The following PUDP variants were observed in gnomAD, a reference collection of about 807,000 sequenced individuals.
PUDP encodes pseudouridine-5'-phosphatase.
PUDP carries 8 observed loss-of-function variants against 9.4 expected under a neutral mutation model. The observed-to-expected ratio is 0.85, with a 90% CI of 0.50 to 1.53. PUDP has a LOEUF of 1.53. Ranked by LOEUF, PUDP falls within the 40% of genes most tolerant of loss-of-function variation. The pLI, the probability that PUDP is intolerant of heterozygous loss-of-function variation, is 0.00. For missense variants in PUDP, 188 were observed against 189.7 expected (o/e 0.99, Z 0.05); for synonymous variants, 99 against 80.7 (o/e 1.23, Z -1.22).
At chrX:6,738,976 T>G (rs1424637198) in intron 3 of PUDP, among the ~76,000 whole-genome samples, 2 of 111,470 alleles carry the variant, frequency 1.8e-5, no homozygotes, top group Non-Finnish European at 3.8e-5. Flanking sequence ...AAGAGAGAGA[T>G]AGAGTACAAA....
At chrX:7,081,202 C>A (rs766229395) in intron 2 of PUDP, among the ~76,000 whole-genome samples, 1 of 111,563 alleles carries the variant, frequency 9.0e-6, no homozygotes, top group African/African-American at 3.2e-5. Flanking sequence ...CTCTGTGACC[C>A]AGGCTGGAGC....
At chrX:6,804,588 G>A (rs1479147343) in intron 3 of PUDP, among the ~76,000 whole-genome samples, 1 of 111,506 alleles carries the variant, frequency 9.0e-6, no homozygotes, top group East Asian at 2.8e-4. Flanking sequence ...CCGTGTAGAG[G>A]GGATTGTTTT....
At chrX:6,839,383 G>A (rs904925041) in intron 3 of PUDP, among the ~76,000 whole-genome samples, 1 of 111,107 alleles carries the variant, frequency 9.0e-6, no homozygotes, top group Non-Finnish European at 1.9e-5. Flanking sequence ...TGTAGGCACT[G>A]CCCAAAAGCT....
intron 3 of PUDP, among the ~76,000 whole-genome samples, chrX:6,753,674 A>G (rs1182452210): frequency 8.9e-6 from 1 of 111,851 alleles, no homozygotes; most frequent in Non-Finnish European, 1.9e-5. Flanking sequence ...TCCTTGCAGG[A>G]GTAAGGTGTT....
At chrX:7,021,382 G>A (rs756655957) in intron 1 of PUDP, among the ~76,000 whole-genome samples, 42 of 111,367 alleles carry the variant, frequency 3.8e-4, no homozygotes, top group African/African-American at 1.3e-3. Flanking sequence ...GACCCTCAGA[G>A]ACCAAAATGC....
At chrX:6,938,674 A>T (rs961515371) in intron 3 of PUDP, among the ~76,000 whole-genome samples, 10 of 109,682 alleles carry the variant, frequency 9.1e-5, no homozygotes, top group Non-Finnish European at 1.9e-4. Flanking sequence ...GTGAGGACTA[A>T]ATCTCACGAA....
chrX:6,794,434 G>C (rs1925805112), intron 3 of PUDP, among the ~76,000 whole-genome samples: 1 of 112,152 alleles, frequency 8.9e-6, no homozygotes, highest in South Asian at 3.7e-4. Context: ...CGCAGGACTG[G>C]AAGTTATTCT....
intron 1 of PUDP, among the ~76,000 whole-genome samples, chrX:7,109,084 G>T (rs1931965461): frequency 8.9e-6 from 1 of 111,789 alleles, no homozygotes; most frequent in Non-Finnish European, 1.9e-5. Context: ...CCTGCACTCG[G>T]TCTCCCTACA....
intron 3 of PUDP, among the ~76,000 whole-genome samples, chrX:6,916,223 CA>C (rs1261572473): frequency 1.4e-3 from 149 of 104,602 alleles, no homozygotes; most frequent in Admixed American, 4.0e-3. Context: ...CACACACACA[CA>C]CACACACACA....
chrX:6,781,619 A>T (rs1355361240), intron 3 of PUDP, among the ~76,000 whole-genome samples: 1 of 112,243 alleles, frequency 8.9e-6, no homozygotes, highest in Non-Finnish European at 1.9e-5. Flanking sequence ...AGTGCATGTC[A>T]TGGACTCCAT....
chrX:6,838,825 T>C (rs1222685090), intron 3 of PUDP, among the ~76,000 whole-genome samples: 1 of 112,160 alleles, frequency 8.9e-6, no homozygotes, highest in African/African-American at 3.2e-5. Flanking sequence ...GACTTCAGTA[T>C]TTCTTTGCTA....
intron 3 of PUDP, among the ~76,000 whole-genome samples, chrX:6,847,345 G>GA (rs5901330): frequency 4.4e-4 from 47 of 107,401 alleles, no homozygotes; most frequent in South Asian, 1.2e-3. Context: ...GGAATTTAAA[G>GA]AAAAAAAAAA....
intron 1 of PUDP, among the ~76,000 whole-genome samples, chrX:7,003,666 A>G (rs768719924): frequency 8.9e-6 from 1 of 111,910 alleles, no homozygotes; most frequent in Non-Finnish European, 1.9e-5. Flanking sequence ...TCTTCATGCC[A>G]TTCTTTTGTA....
intron 3 of PUDP, among the ~76,000 whole-genome samples, chrX:6,877,232 T>G (rs1431753147): frequency 1.8e-5 from 2 of 111,345 alleles, no homozygotes; most frequent in Non-Finnish European, 3.8e-5. Context: ...GCATTGGGAT[T>G]ATAAGCATGA....
At chrX:6,761,296 C>T (rs762657932) in intron 3 of PUDP, among the ~76,000 whole-genome samples, 2 of 112,111 alleles carry the variant, frequency 1.8e-5, no homozygotes, top group South Asian at 3.7e-4. Context: ...GCATCTACCC[C>T]GCATGGTTTT....
chrX:6,943,188 G>A (rs1487527354), intron 3 of PUDP, among the ~76,000 whole-genome samples: 2 of 111,321 alleles, frequency 1.8e-5, no homozygotes, highest in Non-Finnish European at 3.8e-5. Flanking sequence ...ACACCATGAG[G>A]GGCCTTCTAT....
intron 3 of PUDP, among the ~76,000 whole-genome samples, chrX:6,774,206 G>A (rs1018353669): frequency 1.8e-5 from 2 of 111,942 alleles, no homozygotes; most frequent in Non-Finnish European, 3.8e-5. Flanking sequence ...CGTTCTGCAG[G>A]AAAAGTCACA....
chrX:7,115,169 C>A (rs1395838176), intron 1 of PUDP, among the ~76,000 whole-genome samples: 1 of 112,171 alleles, frequency 8.9e-6, no homozygotes, highest in Non-Finnish European at 1.9e-5. Context: ...TGAAGACATG[C>A]CCTAATAAGC....
In PUDP at chrX:7,061,141, C is replaced by T. The variant is rs1365610073; in HGVS notation, c.511-10669G>A. On this transcript the variant is annotated intron_variant, in intron 3 of 3. Transcript: ENST00000381077. ...GAGCGAGAATGTGCTGGATGTGGGG[C>T]CTGGCCTGAGGGTGGAAATTACTGG... 6.3e-5 allele frequency among the ~76,000 whole-genome samples: 7 copies of T among 111,357 alleles called. No individual in the cohort carries two copies. In the South Asian group the frequency reaches 2.7e-3, roughly 43 times the overall value.
Sources: gnomAD v4.1 joint callset for allele counts (sites outside exome capture counted in the v4.1 genomes callset) on GRCh38, gnomAD v4.1.1 for gene constraint, MANE v1.5 for transcripts, NCBI Gene and HGNC (gene_info 2026-07-23, HGNC 2026-07-21) for gene names.